The following UQCRC1 variants were observed in gnomAD, a reference collection of about 807,000 sequenced individuals.
UQCRC1 encodes the protein ubiquinol-cytochrome c reductase core protein 1.
In UQCRC1, 34 loss-of-function variants were observed where a neutral mutation model predicts 58.0. The ratio of observed to expected loss-of-function variants is 0.59; its 90% CI spans 0.45 to 0.78. The LOEUF (loss-of-function observed/expected upper bound fraction) is 0.78. Among genes scored for constraint, UQCRC1 ranks in the 30% least tolerant of loss-of-function variants. The pLI is 0.00. For synonymous variants in UQCRC1, 276 were observed against 248.8 expected, an observed-to-expected ratio of 1.11 and a Z score of -1.03; for missense variants, 610 against 646.0, an observed-to-expected ratio of 0.94 and a Z score of 0.60.
rs1575511748 is a variant in UQCRC1 at position 48,600,366 on chromosome 3, T to C, written c.1213+116A>G. 12 of 1,308,094 alleles carry C rather than the reference T, an allele frequency of 9.2e-6. 1 individual carries two copies. In the East Asian group the frequency reaches 2.4e-4, roughly 26 times the overall value. 81.0% of individuals were successfully genotyped at this position (1,308,094 alleles called of 1,614,324 possible). Reference sequence around the variant, plus strand: ...TCTCCAAGGGTGGGGTGATGGGGCATGGCGTGGTCTTCAAAGTTTTCCTTT... The same window carrying C: ...TCTCCAAGGGTGGGGTGATGGGGCACGGCGTGGTCTTCAAAGTTTTCCTTT... On this transcript the variant is annotated intron_variant, in intron 10 of 12. Coordinates refer to ENST00000203407, the MANE Select transcript of UQCRC1 (RefSeq NM_003365.3).
rs371957348 is a variant in UQCRC1 at position 48,600,723 on chromosome 3, G to A, written c.1084C>T (p.Arg362Ter). 6.2e-6 allele frequency: 10 copies of A among 1,614,090 alleles called. No homozygotes were observed. Among genetic ancestry groups the A allele is most frequent in the Admixed American group, 1.7e-5 (1 of 60,012 alleles). Residue 362 changes from arginine (R) to a stop codon, truncating the protein, a stop_gained, in exon 9 of 13, where the codon CGA becomes TGA. Coordinates refer to ENST00000203407, the MANE Select transcript of UQCRC1 (RefSeq NM_003365.3). LOFTEE classifies it high-confidence loss of function. ...GLLGAHFVCD[R>*]MKIDDMMFVL... ...AACATCATGTCATCGATTTTCATTC[G>A]GTCACAGACAAAGTGTGCACCCAGC...
chr3:48,604,198 G>C, intron 5 of UQCRC1, 35 bp downstream of exon 5: 2 of 1,608,470 alleles, frequency 1.2e-6, no homozygotes, highest in Non-Finnish European at 8.5e-7. Context: ...CCAGAATGGA[G>C]CAAGCATCCC....
chr3:48,602,332 T>C (rs1266508050), intron 6 of UQCRC1, among the ~76,000 whole-genome samples: 32 of 152,024 alleles, frequency 2.1e-4, no homozygotes, highest in Admixed American at 2.1e-3. Context: ...ATTACAGGCG[T>C]GAGCCACCGC....
intron 2 of UQCRC1, among the ~76,000 whole-genome samples, chr3:48,608,644 C>G (rs1246283450): frequency 1.3e-5 from 2 of 152,204 alleles, no homozygotes; most frequent in Admixed American, 6.5e-5. Flanking sequence ...TGGGAATCTT[C>G]TCACCTATTC....
chr3:48,601,703 C>T lies in UQCRC1; in HGVS notation c.707-236G>A, dbSNP rs114203845. 5.7e-3 allele frequency among the ~76,000 whole-genome samples: 866 copies of T among 152,304 alleles called. 6 individuals carry two copies. Among genetic ancestry groups the T allele is most frequent in the African/African-American group, 0.02 (820 of 41,558 alleles). On this transcript the variant is annotated intron_variant, in intron 6 of 12. Coordinates refer to ENST00000203407, the MANE Select transcript of UQCRC1 (RefSeq NM_003365.3). ...GGCCTCAGTCCCAGGAGAGCAAAAGCGTTCAGAGTTTCAAAATGGGCTGCC... is the reference window on the plus strand; with the variant it reads ...GGCCTCAGTCCCAGGAGAGCAAAAGTGTTCAGAGTTTCAAAATGGGCTGCC...
intron 6 of UQCRC1, 114 bp from the exon 7 acceptor site, chr3:48,601,581 G>T: frequency 1.1e-6 from 1 of 917,310 alleles, no homozygotes; most frequent in Non-Finnish European, 1.7e-6. Context: ...GAAACCAGGA[G>T]TATGTGACAT....
chr3:48,609,080 G>A, intron 2 of UQCRC1, 82 bp downstream of exon 2: 4 of 1,520,494 alleles, frequency 2.6e-6, no homozygotes, highest in Non-Finnish European at 2.7e-6. Flanking sequence ...GGGAAGACTC[G>A]AGCCCAAGGT....
chr3:48,603,064 A>G (rs1183883538), intron 6 of UQCRC1, among the ~76,000 whole-genome samples: 1 of 152,058 alleles, frequency 6.6e-6, no homozygotes, highest in East Asian at 1.9e-4. Flanking sequence ...CCCCACCTAA[A>G]TAACACTCAC....
chr3:48,606,254 C>T (rs2046410441), intron 2 of UQCRC1, among the ~76,000 whole-genome samples: 1 of 152,168 alleles, frequency 6.6e-6, no homozygotes, highest in Non-Finnish European at 1.5e-5. Flanking sequence ...TACACGCTGC[C>T]TTTGTTCTGG....
intron 6 of UQCRC1, 39 bp downstream of exon 6, chr3:48,603,525 G>A (rs765189811): frequency 3.9e-5 from 63 of 1,605,950 alleles, no homozygotes; most frequent in Non-Finnish European, 4.8e-5. Flanking sequence ...CCAAGGCTGG[G>A]ACCCCACTAC....
rs778074171 is a variant in UQCRC1, at chr3:48,601,439, G to A, written c.735C>T (p.Leu245=). The A allele has an allele frequency of 2.6e-5, 42 of 1,614,026 alleles. No homozygotes were observed. The highest frequency in any genetic ancestry group is 1.1e-4 in the African/African-American group (8 of 74,922). ...GGVEHQQLLD[L]AQKHLGGIPW... is the part of the protein sequence containing the mutation. ...GGATGCCACCGAGGTGCTTCTGGGC[G>A]AGGTCTAACAGTTGCTGGTGCTCCA... The change falls in exon 7 of 13, where the codon CTC becomes CTT. Residue 245 remains leucine, a synonymous_variant. Coordinates refer to ENST00000203407, the MANE Select transcript of UQCRC1 (RefSeq NM_003365.3).
At position 48,604,690 on chromosome 3, in the gene UQCRC1, CTG is replaced by C; in HGVS notation, c.386_387del (p.Thr129SerfsTer20). The stretch of plus-strand genomic sequence containing the variant: ...TTGGACAGCGCCTTGATGTAGTAAG[CTG>C]TGTGCTCCCGGGTGCTGTAGGCATT... The part of the protein sequence containing the change: ...HLNAYSTREH[T>X]AYYIKALSKD... On this transcript the variant is annotated frameshift_variant, in exon 4 of 13. Transcript: ENST00000203407. LOFTEE classifies it high-confidence loss of function. 6.2e-7 allele frequency: 1 copy of C among 1,614,218 alleles called. No homozygotes were observed. The highest frequency in any genetic ancestry group is 1.1e-5 in the South Asian group (1 of 91,086).
At position 48,600,540 on chromosome 3, in the gene UQCRC1, C is replaced by G; in HGVS notation, c.1155G>C (p.Glu385Asp). The G allele has an allele frequency of 3.1e-6, 5 of 1,614,144 alleles. No individual in the cohort carries two copies. The highest frequency in any genetic ancestry group is 4.2e-6 in the Non-Finnish European group (5 of 1,180,024). ...QWMRLCTSATESEVARGKNIL... is the reference protein window; with the variant it reads ...QWMRLCTSATDSEVARGKNIL... ...TGTTTTTGCCCCGGGCCACCTCACT[C>G]TCCGTGGCACTGGTACACAGGCGCA... Residue 385 changes from glutamate to aspartate, a missense_variant, in exon 10 of 13, where the codon GAG (glutamate) becomes GAC (aspartate). Glu to Asp is a conservative substitution (Grantham distance 45). Transcript: ENST00000203407.
Position 48,604,246 on chromosome 3 carries a change from T to G in UQCRC1, c.613A>C (p.Ser205Arg). Residue 205 changes from serine (S) to arginine (R), a missense_variant, in exon 5 of 13, where the codon AGT becomes CGT. By Grantham distance (110) the Ser-to-Arg change is moderately radical. Transcript: ENST00000203407. Reference protein sequence around the residue: ...TPLAQAVEGPSENVRKLSRAD... With the variant: ...TPLAQAVEGPRENVRKLSRAD... ...GCCAACTCTCACCTGACATTCTCAC[T>G]GGGCCCCTCCACAGCCTGGGCTAGA... The G allele has an allele frequency of 6.2e-7, 1 of 1,612,616 alleles. No individual in the cohort carries two copies. Among genetic ancestry groups the G allele is most frequent in the Non-Finnish European group, 8.5e-7 (1 of 1,180,008 alleles).
chr3:48,609,083 C>T, intron 2 of UQCRC1, 79 bp downstream of exon 2: 1 of 1,529,392 alleles, frequency 6.5e-7, no homozygotes, highest in African/African-American at 1.4e-5. Context: ...AAGACTCGAG[C>T]CCAAGGTCAC....
intron 10 of UQCRC1, 85 bp downstream of exon 10, chr3:48,600,397 C>T (rs941722324): frequency 3.9e-6 from 6 of 1,542,840 alleles, no homozygotes; most frequent in Middle Eastern, 1.7e-4. Context: ...CCTTTCTAAC[C>T]TTGGTTAGTT....
chr3:48,603,448 G>C (rs2046383579), intron 6 of UQCRC1, 116 bp downstream of exon 6: 2 of 966,974 alleles, frequency 2.1e-6, no homozygotes, highest in East Asian at 5.3e-5. Flanking sequence ...TCAAGGTTAG[G>C]GTGGGAGCAG....
intron 6 of UQCRC1, 49 bp downstream of exon 6, chr3:48,603,515 C>T (rs1399066516): frequency 6.3e-7 from 1 of 1,598,732 alleles, no homozygotes; most frequent in African/African-American, 1.3e-5. Flanking sequence ...GCTTTGATAA[C>T]CAAGGCTGGG....
At chr3:48,603,055 C>T (rs971408029) in intron 6 of UQCRC1, among the ~76,000 whole-genome samples, 5 of 152,122 alleles carry the variant, frequency 3.3e-5, no homozygotes, top group African/African-American at 9.7e-5. Flanking sequence ...CTCCCCACAC[C>T]CCACCTAAAT....
Sources: gnomAD v4.1 joint callset for allele counts (sites outside exome capture counted in the v4.1 genomes callset) on GRCh38, gnomAD v4.1.1 for gene constraint, MANE v1.5 for transcripts, NCBI Gene and HGNC (gene_info 2026-07-23, HGNC 2026-07-21) for gene names.